The following KAZN variants were observed in gnomAD, a reference collection of about 807,000 sequenced individuals.
The protein encoded by KAZN is kazrin.
KAZN carries 40 observed loss-of-function variants against 87.4 expected under a neutral mutation model. The ratio of observed to expected loss-of-function variants is 0.46; its 90% CI spans 0.36 to 0.60. KAZN has a LOEUF of 0.60. Ranked by LOEUF, KAZN falls within the 20% of genes least tolerant of loss-of-function variation. The probability of loss-of-function intolerance (pLI) is 0.00; values close to 1 mark genes in which losing one functional copy is unlikely to be tolerated. For missense variants in KAZN, 898 were observed against 1,073.9 expected (o/e 0.84, Z 2.29); for synonymous variants, 466 against 458.3 (o/e 1.02, Z -0.22).
At position 14,952,831 on chromosome 1, in the gene KAZN, C is replaced by T. The variant is rs527803027; in HGVS notation, c.227-7853C>T. ...AAGATCAAGGAGGTTTGCCCTTTTC[C>T]GAAATGATCATGATGAGCTACATTT... is the stretch of plus-strand genomic sequence containing the variant. On this transcript the variant is annotated intron_variant, in intron 1 of 14. Transcript: ENST00000376030. Among the ~76,000 whole-genome samples the T allele has an allele frequency of 8.5e-5, 13 of 152,304 alleles. No homozygotes were observed. In the East Asian group the frequency reaches 1.3e-3, roughly 16 times the overall value.
intron 2 of KAZN, among the ~76,000 whole-genome samples, chr1:14,378,267 A>G (rs922049584): frequency 6.6e-6 from 1 of 152,128 alleles, no homozygotes; most frequent in Non-Finnish European, 1.5e-5. Flanking sequence ...CTTACTATCA[A>G]AGTTAATTTG....
chr1:14,816,563 G>GC (rs1378842243), intron 1 of KAZN, among the ~76,000 whole-genome samples: 8 of 152,156 alleles, frequency 5.3e-5, no homozygotes, highest in Non-Finnish European at 1.2e-4. Flanking sequence ...GGAGAATCTT[G>GC]CTAGGGTATA....
At chr1:14,833,571 ACCC>A (rs539060125) in intron 1 of KAZN, among the ~76,000 whole-genome samples, 287 of 151,502 alleles carry the variant, frequency 1.9e-3, no homozygotes, top group African/African-American at 6.0e-3. Context: ...TCCGTCCTCT[ACCC>A]CCCCCAGGCC....
At chr1:14,274,033 G>A (rs1652158272) in intron 2 of KAZN, among the ~76,000 whole-genome samples, 1 of 152,158 alleles carries the variant, frequency 6.6e-6, no homozygotes, top group Non-Finnish European at 1.5e-5. Context: ...TCCTATTTAT[G>A]TGTTTCTTTC....
At chr1:15,112,275 G>A in intron 13 of KAZN, 152 bp from the exon 14 acceptor site, 1 of 647,752 alleles carries the variant, frequency 1.5e-6, no homozygotes, top group Non-Finnish European at 2.9e-6. Flanking sequence ...TGAGCACAAG[G>A]ATGGCACGTG....
chr1:14,085,440 CT>C (rs1422744497), intron 1 of KAZN, among the ~76,000 whole-genome samples: 1 of 152,236 alleles, frequency 6.6e-6, no homozygotes, highest in Non-Finnish European at 1.5e-5. Context: ...TCACCACCCC[CT>C]GACCACTGGC....
intron 1 of KAZN, among the ~76,000 whole-genome samples, chr1:14,883,905 C>T (rs569004067): frequency 1.3e-5 from 2 of 152,142 alleles, no homozygotes; most frequent in Admixed American, 1.3e-4. Context: ...GGTCTCCCAG[C>T]CTCAGTCTGT....
At chr1:14,167,268 A>T (rs1645849062) in intron 1 of KAZN, among the ~76,000 whole-genome samples, 1 of 152,232 alleles carries the variant, frequency 6.6e-6, no homozygotes, top group Admixed American at 6.5e-5. Flanking sequence ...TTTGCATTCC[A>T]TTCCATATTT....
chr1:14,175,285 A>G (rs1280095723), intron 1 of KAZN, among the ~76,000 whole-genome samples: 1 of 152,082 alleles, frequency 6.6e-6, no homozygotes. Flanking sequence ...TTGTATTTTT[A>G]GTAGAGACAG....
chr1:14,955,983 T>C (rs1663044405), intron 1 of KAZN, among the ~76,000 whole-genome samples: 1 of 152,234 alleles, frequency 6.6e-6, no homozygotes, highest in South Asian at 2.1e-4. Context: ...ATTTTTAATA[T>C]AGGTTGGGAC....
rs542657811 is a variant in KAZN at position 15,006,215 on chromosome 1, G to A, written c.419-28534G>A. On this transcript the variant is annotated intron_variant, in intron 2 of 14. Coordinates refer to ENST00000376030, the MANE Select transcript of KAZN (RefSeq NM_201628.3). ...GCATCCAGTATCTTGTTGAAGCAAA[G>A]GAGGATTCTCATGGCCAGGAGTAAG... Among the ~76,000 whole-genome samples the A allele has an allele frequency of 5.3e-5, 8 of 152,364 alleles. No individual in the cohort carries two copies. In the East Asian group the frequency reaches 1.3e-3, roughly 26 times the overall value.
chr1:14,139,943 G>A (rs1645196226), intron 1 of KAZN, among the ~76,000 whole-genome samples: 1 of 59,012 alleles, frequency 1.7e-5, no homozygotes, highest in South Asian at 6.7e-4. Flanking sequence ...GTGTGTGTGT[G>A]TGTGTGTGTG....
At chr1:14,151,810 C>T (rs1201498387) in intron 1 of KAZN, among the ~76,000 whole-genome samples, 2 of 152,194 alleles carry the variant, frequency 1.3e-5, no homozygotes, top group Non-Finnish European at 2.9e-5. Context: ...CCAGCTGCCC[C>T]AGCAGAGCAG....
chr1:14,146,536 C>CAAAAAAAAAA (rs55928646), intron 1 of KAZN, among the ~76,000 whole-genome samples: 101 of 63,094 alleles, frequency 1.6e-3, no homozygotes, highest in African/African-American at 1.7e-3. Context: ...AACTCCATCT[C>CAAAAAAAAAA]AAAAAAAAAA....
chr1:14,106,633 C>G (rs1644380389), intron 1 of KAZN, among the ~76,000 whole-genome samples: 1 of 152,182 alleles, frequency 6.6e-6, no homozygotes. Context: ...GAAACAGTGA[C>G]TTGAAATTGA....
At chr1:13,988,214 T>C (rs1412692646) in intron 1 of KAZN, among the ~76,000 whole-genome samples, 1 of 152,136 alleles carries the variant, frequency 6.6e-6, no homozygotes, top group Non-Finnish European at 1.5e-5. Context: ...TAAAATAAAT[T>C]ATTATTTCTT....
intron 1 of KAZN, among the ~76,000 whole-genome samples, chr1:13,972,511 A>G (rs957560590): frequency 6.6e-6 from 1 of 152,182 alleles, no homozygotes; most frequent in Non-Finnish European, 1.5e-5. Context: ...GCAGCTACAT[A>G]TCTATCCAGA....
chr1:14,090,087 T>C (rs201505250), intron 1 of KAZN, among the ~76,000 whole-genome samples: 2 of 152,174 alleles, frequency 1.3e-5, no homozygotes, highest in East Asian at 3.8e-4. Context: ...GATTATTTTG[T>C]GACTGGCATG....
At chr1:14,174,246 G>A (rs1214259353) in intron 1 of KAZN, among the ~76,000 whole-genome samples, 1 of 152,170 alleles carries the variant, frequency 6.6e-6, no homozygotes, top group African/African-American at 2.4e-5. Context: ...GGCAAGAAGG[G>A]AAGTTCCGCA....
Sources: gnomAD v4.1 joint callset for allele counts (sites outside exome capture counted in the v4.1 genomes callset) on GRCh38, gnomAD v4.1.1 for gene constraint, MANE v1.5 for transcripts, NCBI Gene and HGNC (gene_info 2026-07-23, HGNC 2026-07-21) for gene names.